KIDINS220: variants seen among roughly 807,000 people sequenced by gnomAD.
KIDINS220 encodes the protein kinase D interacting substrate 220.
Under a neutral mutation model 157.6 loss-of-function variants are expected in KIDINS220, and 63 were observed. That is an observed-to-expected ratio of 0.40 (90% CI 0.33 to 0.49). The LOEUF (loss-of-function observed/expected upper bound fraction) is 0.49, where lower values mean the gene tolerates loss of function less well. Among genes scored for constraint, KIDINS220 ranks in the 20% least tolerant of loss-of-function variants. The pLI is 0.66. For synonymous variants in KIDINS220, 732 were observed against 783.6 expected, an observed-to-expected ratio of 0.93 and a Z score of 1.10; for missense variants, 1,772 against 2,171.2, an observed-to-expected ratio of 0.82 and a Z score of 3.65.
chr2:8,769,261 G>GAGAT (rs1669867767), intron 22 of KIDINS220, among the ~76,000 whole-genome samples: 1 of 152,164 alleles, frequency 6.6e-6, no homozygotes, highest in Admixed American at 6.5e-5. Flanking sequence ...GGACCCATGT[G>GAGAT]AGATAACTAG....
chr2:8,724,794 T>C (rs923695593), downstream of KIDINS220: 1 of 152,176 alleles, frequency 6.6e-6, no homozygotes, highest in African/African-American at 2.4e-5. This position sits in a 1 kb window ranked among gnomAD's most constrained non-coding sequence, Gnocchi z 4.6. Flanking sequence ...TCCTGGCTAA[T>C]TTTTTTATTT....
At chr2:8,805,228 G>GC (rs1675275285) in intron 7 of KIDINS220, among the ~76,000 whole-genome samples, 1 of 152,128 alleles carries the variant, frequency 6.6e-6, no homozygotes, top group African/African-American at 2.4e-5. Context: ...CTTCCTGGAA[G>GC]CCCCCTGAAC....
intron 1 of KIDINS220, among the ~76,000 whole-genome samples, chr2:8,831,310 T>C (rs1293427671): frequency 6.6e-6 from 1 of 151,988 alleles, no homozygotes; most frequent in African/African-American, 2.4e-5. Flanking sequence ...TCTCCCCTCC[T>C]CAGCCCCATC....
At chr2:8,823,988 T>C (rs1402111593) in intron 2 of KIDINS220, among the ~76,000 whole-genome samples, 3 of 150,790 alleles carry the variant, frequency 2.0e-5, no homozygotes, top group Admixed American at 2.0e-4. Flanking sequence ...AAAAAAAACA[T>C]AGAGCTTACA....
chr2:8,722,593 T>C (rs1272976159), downstream of KIDINS220: 1 of 152,112 alleles, frequency 6.6e-6, no homozygotes, highest in African/African-American at 2.4e-5. Context: ...AAAAAACAGA[T>C]AGCAATTGAG....
chr2:8,776,797 G>T lies in KIDINS220; in HGVS notation c.2799C>A (p.Asp933Glu). ...KLLVTEDWFS[D>E]ISPQTMRRLL... The stretch of plus-strand genomic sequence containing the variant: ...ATCTTCTCATGGTCTGGGGACTGAT[G>T]TCACTGAACCAGTCCTCGGTAACCA... The change falls in exon 21 of 30, where the codon GAC becomes GAA. Residue 933 changes from aspartate to glutamate, a missense_variant. Asp to Glu is a conservative substitution (Grantham distance 45). Transcript: ENST00000256707. 1 of 1,613,894 alleles carries T rather than the reference G, an allele frequency of 6.2e-7. No individual in the cohort carries two copies.
chr2:8,779,760 A>G lies in KIDINS220; in HGVS notation c.2284T>C (p.Phe762Leu), dbSNP rs763214952. Residue 762 changes from phenylalanine to leucine, a missense_variant, in exon 18 of 30, where the codon TTC becomes CTC. Coordinates refer to ENST00000256707, the MANE Select transcript of KIDINS220 (RefSeq NM_020738.4). ...MARMAKTIDS[F>L]TQNQTRLVVI... ...ACCAGCCTTGTCTGATTCTGAGTGA[A>G]GCTGTCAATGGTTTTTGCCATCCTG... 1 of 1,614,206 alleles carries G rather than the reference A, an allele frequency of 6.2e-7. No homozygotes were observed. Among genetic ancestry groups the G allele is most frequent in the East Asian group, 2.2e-5 (1 of 44,876 alleles).
chr2:8,768,945 C>T lies in KIDINS220; in HGVS notation c.3011+1725G>A, dbSNP rs10183815. Among the ~76,000 whole-genome samples, 780 of 152,136 alleles carry T rather than the reference C, an allele frequency of 5.1e-3. 3 individuals are homozygous for T. The highest frequency in any genetic ancestry group is 7.5e-3 in the Non-Finnish European group (512 of 67,978). On this transcript the variant is annotated intron_variant, in intron 22 of 29. Transcript: ENST00000256707. ...TTTTTTCTCTTCCTTAGACTAGCTACGAAATATTCTTTGTAAGTAGTTGCA... is the reference window on the plus strand; with the variant it reads ...TTTTTTCTCTTCCTTAGACTAGCTATGAAATATTCTTTGTAAGTAGTTGCA...
intron 22 of KIDINS220, chr2:8,757,749 C>A (rs1165241670): frequency 1.2e-6 from 2 of 1,611,978 alleles, no homozygotes; most frequent in Admixed American, 1.7e-5. Context: ...CTTGGAAATG[C>A]CAATTCGGTC....
chr2:8,825,037 A>G (rs1046704432), intron 2 of KIDINS220, among the ~76,000 whole-genome samples: 2 of 152,104 alleles, frequency 1.3e-5, no homozygotes, highest in Admixed American at 6.6e-5. Flanking sequence ...GGAAAGGGAG[A>G]GCTGCTGTTT....
chr2:8,747,024 A>T, intron 26 of KIDINS220, 121 bp downstream of exon 26: 2 of 796,752 alleles, frequency 2.5e-6, no homozygotes, highest in Non-Finnish European at 4.4e-6. Flanking sequence ...ACTCTACACT[A>T]GCTGCTCATC....
chr2:8,789,067 T>C (rs3811603), intron 14 of KIDINS220, among the ~76,000 whole-genome samples: 111,628 of 152,074 alleles, frequency 0.73, 41,271 homozygotes, highest in African/African-American at 0.81. Context: ...ATGCAAATCA[T>C]CTTGGGTTTA....
At chr2:8,764,208 T>C (rs1027709010) in intron 22 of KIDINS220, among the ~76,000 whole-genome samples, 10 of 151,994 alleles carry the variant, frequency 6.6e-5, no homozygotes, top group African/African-American at 1.9e-4. Flanking sequence ...AGCAAAGGCA[T>C]ACAGAATAAA....
intron 22 of KIDINS220, among the ~76,000 whole-genome samples, chr2:8,756,299 C>A (rs1256004769): frequency 6.6e-6 from 1 of 152,190 alleles, no homozygotes; most frequent in Non-Finnish European, 1.5e-5. Context: ...TACAGAAACA[C>A]AACTGATTTT....
intron 1 of KIDINS220, among the ~76,000 whole-genome samples, chr2:8,837,042 G>A (rs995661213): frequency 1.3e-5 from 2 of 152,174 alleles, no homozygotes; most frequent in African/African-American, 4.8e-5. Context: ...ATAAAAGCAA[G>A]GGAGAAAACA....
At chr2:8,823,081 T>C (rs1473371767) in intron 2 of KIDINS220, among the ~76,000 whole-genome samples, 2 of 152,084 alleles carry the variant, frequency 1.3e-5, no homozygotes, top group Non-Finnish European at 2.9e-5. Flanking sequence ...GGTCAAGCAA[T>C]CCTCCCACCT....
chr2:8,754,855 TA>T (rs1558351000), intron 22 of KIDINS220, among the ~76,000 whole-genome samples: 1 of 152,238 alleles, frequency 6.6e-6, no homozygotes. Flanking sequence ...AGCTGCCTAA[TA>T]ATGTCATTAT....
intron 22 of KIDINS220, among the ~76,000 whole-genome samples, chr2:8,752,997 C>G (rs988583846): frequency 2.2e-4 from 34 of 152,232 alleles, no homozygotes; most frequent in Admixed American, 1.8e-3. Flanking sequence ...TTATTAAACA[C>G]TACTGTATGA....
chr2:8,798,362 A>T (rs2148311438), intron 9 of KIDINS220, 62 bp from the exon 10 acceptor site: 4 of 894,858 alleles, frequency 4.5e-6, no homozygotes, highest in South Asian at 4.1e-5. Flanking sequence ...ACTGCTACTT[A>T]TAAATACAAA....
Sources: gnomAD v4.1 joint callset for allele counts (sites outside exome capture counted in the v4.1 genomes callset) on GRCh38, gnomAD v4.1.1 for gene constraint, Gnocchi (gnomAD v3.1) non-coding constraint, MANE v1.5 for transcripts, NCBI Gene and HGNC (gene_info 2026-07-23, HGNC 2026-07-21) for gene names.